LCT: variants seen among roughly 807,000 people sequenced by gnomAD.
LCT encodes the protein lactase/phlorizin hydrolase.
In LCT, 90 loss-of-function variants were observed where a neutral mutation model predicts 173.0. The ratio of observed to expected loss-of-function variants is 0.52; its 90% CI spans 0.44 to 0.62. LCT has a LOEUF of 0.62. LCT is among the 20% of genes least tolerant of loss of function. The probability of loss-of-function intolerance (pLI) is 0.00; values close to 1 mark genes in which losing one functional copy is unlikely to be tolerated. For synonymous variants in LCT, 853 were observed against 957.6 expected, an observed-to-expected ratio of 0.89 and a Z score of 2.02; for missense variants, 1,864 against 2,431.4, an observed-to-expected ratio of 0.77 and a Z score of 4.91.
chr2:135,788,657 G>A (rs1009036829), intron 16 of LCT, 113 bp from the exon 17 acceptor site: 2 of 756,572 alleles, frequency 2.6e-6, no homozygotes, highest in African/African-American at 3.4e-5. Flanking sequence ...GCCATTGACG[G>A]GATGCCGAGG....
intron 13 of LCT, among the ~76,000 whole-genome samples, chr2:135,795,545 C>T (rs556393127): frequency 6.6e-6 from 1 of 151,686 alleles, no homozygotes; most frequent in South Asian, 2.1e-4. Context: ...GTTTTCTGCC[C>T]TTTCCAAGTT....
chr2:135,795,923 G>T (rs972125546), intron 13 of LCT, among the ~76,000 whole-genome samples: 4 of 151,858 alleles, frequency 2.6e-5, no homozygotes, highest in African/African-American at 9.7e-5. Context: ...ACCATGCCTA[G>T]ATAATTTTTA....
intron 3 of LCT, among the ~76,000 whole-genome samples, chr2:135,826,690 A>T (rs1166143966): frequency 6.6e-6 from 1 of 152,228 alleles, no homozygotes; most frequent in African/African-American, 2.4e-5. Flanking sequence ...AGATGGTTTT[A>T]AAATGGCAGC....
At position 135,817,629 on chromosome 2, in the gene LCT, G is replaced by C; in HGVS notation, c.1419C>G (p.Gly473=). 6.2e-7 allele frequency: 1 copy of C among 1,613,824 alleles called. No homozygotes were observed. Among genetic ancestry groups the C allele is most frequent in the Non-Finnish European group, 8.5e-7 (1 of 1,179,974 alleles). ...MGHGSSPSLP[G]VAYYNKLIDR... Reference sequence around the variant, plus strand: ...CAATCAGCTTGTTGTAGTAGGCAACGCCTGGGAGGCTGGGGCTGCTCCCGT... The same window carrying C: ...CAATCAGCTTGTTGTAGTAGGCAACCCCTGGGAGGCTGGGGCTGCTCCCGT... The change falls in exon 6 of 17, where the codon GGC becomes GGG. Residue 473 remains glycine, a synonymous_variant. Transcript: ENST00000264162.
At chr2:135,818,555 G>A (rs1267717055) in intron 5 of LCT, among the ~76,000 whole-genome samples, 3 of 152,122 alleles carry the variant, frequency 2.0e-5, no homozygotes, top group East Asian at 3.9e-4. Context: ...TAAAAGAAAC[G>A]GGGGCTGGGT....
rs2077789209 is a variant in LCT at position 135,817,459 on chromosome 2, A to G, written c.1589T>C (p.Phe530Ser). Residue 530 changes from phenylalanine (F) to serine (S), a missense_variant, in exon 6 of 17, where the codon TTT (phenylalanine) becomes TCT (serine). Coordinates refer to ENST00000264162, the MANE Select transcript of LCT (RefSeq NM_002299.4). Reference protein sequence around the residue: ...LDYAAFCFSTFGDRVKLWVTF... With the variant: ...LDYAAFCFSTSGDRVKLWVTF... ...CACCCACAGCTTCACACGGTCCCCA[A>G]ATGTGGAGAAGCAGAAGGCCGCATA... 1 of 1,614,116 alleles carries G rather than the reference A, an allele frequency of 6.2e-7. No individual in the cohort carries two copies. The highest frequency in any genetic ancestry group is 8.5e-7 in the Non-Finnish European group (1 of 1,180,020).
At chr2:135,822,273 T>A in intron 4 of LCT, 175 bp from the exon 5 acceptor site, 1 of 599,946 alleles carries the variant, frequency 1.7e-6, no homozygotes, top group Non-Finnish European at 3.0e-6. Context: ...TGAATTCTAC[T>A]TACTTATTAC....
intron 7 of LCT, among the ~76,000 whole-genome samples, chr2:135,811,210 A>AAAAT (rs1323695982): frequency 5.9e-5 from 9 of 152,028 alleles, no homozygotes; most frequent in East Asian, 5.8e-4. Context: ...AATTAAAATT[A>AAAAT]AAATAAATAA....
Position 135,807,417 on chromosome 2 carries a change from G to A in LCT, c.3905-21C>T, listed in dbSNP as rs1163015554. On this transcript the variant is annotated intron_variant, in intron 8 of 16. Coordinates refer to ENST00000264162, the MANE Select transcript of LCT (RefSeq NM_002299.4). ...GTAGGCTGGGAACATCCCAAAGGGA[G>A]CAGAGGAGAGCTTGACACCAGGAGT... is the stretch of plus-strand genomic sequence containing the variant. 3 of 1,613,660 alleles carry A rather than the reference G, an allele frequency of 1.9e-6. No individual in the cohort carries two copies. The South Asian group carries it at 3.3e-5, about 18-fold the overall frequency.
chr2:135,812,334 T>A lies in LCT; in HGVS notation c.2330A>T (p.Gln777Leu). 1 of 1,613,850 alleles carries A rather than the reference T, an allele frequency of 6.2e-7. No homozygotes were observed. Among genetic ancestry groups the A allele is most frequent in the Admixed American group, 1.7e-5 (1 of 60,034 alleles). The change falls in exon 7 of 17, where the codon CAA (glutamine) becomes CTA (leucine). Residue 777 changes from glutamine to leucine, a missense_variant. Gln to Leu is a moderately radical substitution (Grantham distance 113). Around this residue, in one of 4 missense-constraint regions of LCT, gnomAD observed 755 missense variants for 926.3 expected, o/e 0.82. Coordinates refer to ENST00000264162, the MANE Select transcript of LCT (RefSeq NM_002299.4). ...DDSLRVDYFN[Q>L]YINEVLKAIK... Reference sequence around the variant, plus strand: ...ACCCTTGAGCACCTCATTGATATATTGATTGAAGTAGTCTACTCTTAAGGA... The same window carrying A: ...ACCCTTGAGCACCTCATTGATATATAGATTGAAGTAGTCTACTCTTAAGGA...
intron 6 of LCT, among the ~76,000 whole-genome samples, chr2:135,815,603 A>G (rs961043431): frequency 1.3e-5 from 2 of 152,108 alleles, no homozygotes; most frequent in African/African-American, 4.8e-5. Context: ...TGTTAGTGTC[A>G]TCTTCCCCAA....
chr2:135,802,770 A>C (rs2077637207), intron 11 of LCT, among the ~76,000 whole-genome samples: 1 of 152,192 alleles, frequency 6.6e-6, no homozygotes, highest in African/African-American at 2.4e-5. Context: ...AAGCTAGATA[A>C]GAAGATGAAG....
At chr2:135,812,170 C>T (rs2077739709) in intron 7 of LCT, 141 bp downstream of exon 7, 1 of 755,888 alleles carries the variant, frequency 1.3e-6, no homozygotes, top group Non-Finnish European at 2.4e-6. Context: ...AGTTAGGGAG[C>T]TGACGTGAAG....
chr2:135,813,180 T>C lies in LCT; in HGVS notation c.1708-224A>G, dbSNP rs58723906. On this transcript the variant is annotated intron_variant, in intron 6 of 16. Coordinates refer to ENST00000264162, the MANE Select transcript of LCT (RefSeq NM_002299.4). ...ATCAATGATGTTAACAAGTCAATAA[T>C]AAAGTTAACAAGTTAACAACATAAA... Among the ~76,000 whole-genome samples the C allele has an allele frequency of 0.019, 2,848 of 152,230 alleles. 102 individuals carry two copies. The highest frequency in any genetic ancestry group is 0.065 in the African/African-American group (2,702 of 41,526).
At chr2:135,836,169 C>A (rs1402289219) in intron 1 of LCT, among the ~76,000 whole-genome samples, 4 of 151,768 alleles carry the variant, frequency 2.6e-5, no homozygotes, top group Admixed American at 2.6e-4. Flanking sequence ...CAGGCGCCTG[C>A]TACCATCCCT....
chr2:135,791,340 G>A (rs2077531937), intron 14 of LCT, among the ~76,000 whole-genome samples: 1 of 152,210 alleles, frequency 6.6e-6, no homozygotes, highest in Non-Finnish European at 1.5e-5. Context: ...ACGAATATTT[G>A]TAGGGGCCCT....
chr2:135,808,494 C>A lies in LCT; in HGVS notation c.3853G>T (p.Asp1285Tyr). 3.1e-6 allele frequency: 5 copies of A among 1,614,226 alleles called. No homozygotes were observed. Among genetic ancestry groups the A allele is most frequent in the Non-Finnish European group, 4.2e-6 (5 of 1,180,038 alleles). ...TTGTGGTAAAATATCCTATCAGTAT[C>A]CTCCGTGTTCGGATTGGTCAGCCCC... ...GVGLTNPNTE[D>Y]TDRIFYHKTY... The change falls in exon 8 of 17, where the codon GAT (aspartate) becomes TAT (tyrosine). Residue 1285 changes from aspartate (D) to tyrosine (Y), a missense_variant. By Grantham distance (160) the Asp-to-Tyr change is radical (BLOSUM62 -3). Transcript: ENST00000264162.
chr2:135,813,019 T>A, intron 6 of LCT, 63 bp from the exon 7 acceptor site: 1 of 1,421,074 alleles, frequency 7.0e-7, no homozygotes, highest in Non-Finnish European at 9.8e-7. Context: ...ACAACAGGAC[T>A]AATGAACCAA....
intron 2 of LCT, among the ~76,000 whole-genome samples, chr2:135,830,259 C>T (rs1006775393): frequency 6.6e-6 from 1 of 151,952 alleles, no homozygotes; most frequent in Non-Finnish European, 1.5e-5. Flanking sequence ...CCCTCATGGT[C>T]CTGGTCGTCG....
Sources: gnomAD v4.1 joint callset for allele counts (sites outside exome capture counted in the v4.1 genomes callset) on GRCh38, gnomAD v4.1.1 for gene constraint, gnomAD v4.1.1 regional missense constraint, MANE v1.5 for transcripts, NCBI Gene and HGNC (gene_info 2026-07-23, HGNC 2026-07-21) for gene names.